Variants in IFT46 observed in about 807,000 individuals in gnomAD.
IFT46 encodes the protein intraflagellar transport 46.
In IFT46, 19 loss-of-function variants were observed where a neutral mutation model predicts 39.6. That is an observed-to-expected ratio of 0.48 (90% CI 0.33 to 0.70). IFT46 has a LOEUF of 0.70. IFT46 is among the 30% of genes least tolerant of loss of function. The pLI is 0.01. For missense variants in IFT46, 334 were observed against 364.8 expected (o/e 0.92, Z 0.69); for synonymous variants, 117 against 134.8 (o/e 0.87, Z 0.91).
intron 9 of IFT46, 108 bp downstream of exon 9, chr11:118,551,678 A>AAAG (rs1937643686): frequency 4.9e-6 from 4 of 817,830 alleles, no homozygotes; most frequent in Non-Finnish European, 7.7e-6. Context: ...CTCAAAAAAA[A>AAAG]AAAAAAAAAA....
upstream of IFT46, among the ~76,000 whole-genome samples, chr11:118,570,273 G>A (rs550032164): frequency 1.1e-3 from 172 of 151,136 alleles, no homozygotes; most frequent in African/African-American, 3.7e-3. Context: ...TGTTGGCCAG[G>A]ATGGTCTCGA....
chr11:118,558,024 G>T, intron 3 of IFT46: 1 of 864,774 alleles, frequency 1.2e-6, no homozygotes, highest in Non-Finnish European at 1.7e-6. Flanking sequence ...TGGTAAAGCA[G>T]CTATTGGCAC....
upstream of IFT46, among the ~76,000 whole-genome samples, chr11:118,566,453 G>C (rs1221964830): frequency 6.6e-6 from 1 of 152,230 alleles, no homozygotes; most frequent in Non-Finnish European, 1.5e-5. Flanking sequence ...AGCACTTTGG[G>C]AGGCCAAGGC....
At chr11:118,563,083 A>G (rs1938116550) in intron 2 of IFT46, among the ~76,000 whole-genome samples, 2 of 151,820 alleles carry the variant, frequency 1.3e-5, no homozygotes, top group African/African-American at 4.9e-5. Flanking sequence ...AAAAAAGTGC[A>G]ATATACATGC....
rs148517560 is a variant in IFT46, at chr11:118,545,318, C to T, written c.819+91G>A. On this transcript the variant is annotated intron_variant, in intron 11 of 11. Coordinates refer to ENST00000264021, the MANE Select transcript of IFT46 (RefSeq NM_001168618.2). Reference sequence around the variant, plus strand: ...GTAACTGGGCAGAGACATCCTACATCGCTATAGGATGCAATCACAGCAGGC... The same window carrying T: ...GTAACTGGGCAGAGACATCCTACATTGCTATAGGATGCAATCACAGCAGGC... 716 of 952,468 alleles carry T rather than the reference C, an allele frequency of 7.5e-4. 2 individuals carry two copies. In the African/African-American group the frequency reaches 9.8e-3, roughly 13 times the overall value. The allele number at this position is 952,468 out of a possible 1,614,324, so 59.0% of individuals were successfully genotyped here.
At chr11:118,556,366 A>G (rs1219294128) in intron 4 of IFT46, among the ~76,000 whole-genome samples, 2 of 151,950 alleles carry the variant, frequency 1.3e-5, no homozygotes, top group South Asian at 4.2e-4. Flanking sequence ...GGTGGCGGGC[A>G]CCTGTAGTCC....
chr11:118,565,485 G>GGCTGA (rs1938195516), intron 1 of IFT46: 1 of 126,442 alleles, frequency 7.9e-6, no homozygotes. Flanking sequence ...GGGTGGGGTG[G>GGCTGA]GGTGGGGTGG....
intron 2 of IFT46, among the ~76,000 whole-genome samples, chr11:118,562,481 G>GT (rs1175413226): frequency 6.6e-6 from 1 of 152,072 alleles, no homozygotes; most frequent in African/African-American, 2.4e-5. Context: ...ATAATTAGAT[G>GT]TAAGGCATTA....
Position 118,551,985 on chromosome 11 carries a change from T to A in IFT46, c.606-133A>T, listed in dbSNP as rs76970500. On this transcript the variant is annotated intron_variant, in intron 8 of 11. Coordinates refer to ENST00000264021, the MANE Select transcript of IFT46 (RefSeq NM_001168618.2). ...AGGAAGGCTTCAGGAGAACCTAGAC[T>A]GGGCATACCAAAGTTACCCAGGGCC... 5 of 1,038,320 alleles carry A rather than the reference T, an allele frequency of 4.8e-6. No homozygotes were observed. In the African/African-American group the frequency reaches 8.0e-5, roughly 17 times the overall value. The allele number at this position is 1,038,320 out of a possible 1,614,324, so 64.3% of individuals were successfully genotyped here.
At chr11:118,552,778 G>A (rs576026672) in intron 7 of IFT46, among the ~76,000 whole-genome samples, 33 of 150,192 alleles carry the variant, frequency 2.2e-4, no homozygotes, top group Admixed American at 9.3e-4. Context: ...AGGCAAGAGC[G>A]AGATCCTGTC....
At chr11:118,572,492 C>G in intron 1 of IFT46, 1 of 1,605,256 alleles carries the variant, frequency 6.2e-7, no homozygotes, top group African/African-American at 1.3e-5. Flanking sequence ...TCCCCAGACC[C>G]TACCCCTATC....
intron 2 of IFT46, among the ~76,000 whole-genome samples, chr11:118,562,478 G>A (rs536169869): frequency 8.6e-5 from 13 of 152,026 alleles, no homozygotes; most frequent in Non-Finnish European, 1.8e-4. Flanking sequence ...AGTATAATTA[G>A]ATGTAAGGCA....
At chr11:118,565,112 C>T (rs1349406463) in intron 1 of IFT46, 51 bp from the exon 2 acceptor site, 3 of 152,512 alleles carry the variant, frequency 2.0e-5, no homozygotes, top group Admixed American at 2.0e-4. Flanking sequence ...ACATAAAGCA[C>T]TCTGCCAGGA....
At chr11:118,550,776 C>A (rs1951788565) in intron 9 of IFT46, among the ~76,000 whole-genome samples, 1 of 152,174 alleles carries the variant, frequency 6.6e-6, no homozygotes, top group Admixed American at 6.5e-5. Flanking sequence ...CGCCTATAAT[C>A]CCAGCACTTT....
At chr11:118,556,586 C>A (rs1191494558) in intron 4 of IFT46, among the ~76,000 whole-genome samples, 5 of 152,124 alleles carry the variant, frequency 3.3e-5, no homozygotes, top group African/African-American at 1.2e-4. Context: ...CTACCTCAGC[C>A]TCCCAAAATG....
At position 118,545,842 on chromosome 11, in the gene IFT46, G is replaced by A. The variant is rs1460854127; in HGVS notation, c.684C>T (p.Pro228=). ...CCAGGCTGCAATCAATCTCTGCCGT[G>A]GGCAGGCTTACCTGGAAGGGGCATG... The part of the protein sequence containing the change: ...FEELLGKVSL[P]TAEIDCSLAE... Residue 228 remains proline, a synonymous_variant, in exon 10 of 12, where the codon CCC becomes CCT. Coordinates refer to ENST00000264021, the MANE Select transcript of IFT46 (RefSeq NM_001168618.2). The A allele has an allele frequency of 6.2e-7, 1 of 1,614,012 alleles. No homozygotes were observed. Among genetic ancestry groups the A allele is most frequent in the Admixed American group, 1.7e-5 (1 of 59,990 alleles).
intron 9 of IFT46, among the ~76,000 whole-genome samples, chr11:118,547,839 C>T (rs1317283456): frequency 1.3e-5 from 2 of 148,962 alleles, no homozygotes; most frequent in South Asian, 2.2e-4. Flanking sequence ...CTCCGTCTCC[C>T]GGGTTCACGC....
chr11:118,559,409 G>A (rs1264454069), intron 3 of IFT46, among the ~76,000 whole-genome samples: 1 of 152,138 alleles, frequency 6.6e-6, no homozygotes, highest in South Asian at 2.1e-4. Flanking sequence ...ACTCGCTTTA[G>A]CATAAAATTA....
intron 10 of IFT46, 69 bp downstream of exon 10, chr11:118,545,720 TAAAC>T (rs2135463488): frequency 6.8e-7 from 1 of 1,470,960 alleles, no homozygotes; most frequent in East Asian, 2.3e-5. Context: ...CTTCCCAGAG[TAAAC>T]AAGCCTGTCC....
Sources: allele counts gnomAD v4.1 joint callset (sites outside exome capture counted in the v4.1 genomes callset), GRCh38; gene constraint gnomAD v4.1.1; transcripts MANE v1.5; gene names NCBI Gene and HGNC (gene_info 2026-07-23, HGNC 2026-07-21).